Variants in NT5DC1 observed in about 807,000 individuals in gnomAD.
NT5DC1 encodes 5'-nucleotidase domain containing 1, also known as 5'-nucleotidase domain-containing protein 1.
Under a neutral mutation model 59.4 loss-of-function variants are expected in NT5DC1, and 42 were observed. The ratio of observed to expected loss-of-function variants is 0.71; its 90% confidence interval spans 0.55 to 0.92. The LOEUF is 0.92. Ranked by LOEUF, NT5DC1 falls within the 40% of genes least tolerant of loss-of-function variation. NT5DC1 has a pLI of 0.00. For synonymous variants in NT5DC1, 172 were observed against 188.1 expected, an observed-to-expected ratio of 0.91 and a Z score of 0.70; for missense variants, 501 against 537.1, an observed-to-expected ratio of 0.93 and a Z score of 0.66.
At position 116,245,814 on chromosome 6, in the gene NT5DC1, C is replaced by T. The variant is rs955694664; in HGVS notation, c.*1790C>T. 22 of 152,028 alleles carry T rather than the reference C, an allele frequency of 1.4e-4. No individual in the cohort carries two copies. The highest frequency in any genetic ancestry group is 4.8e-4 in the African/African-American group (20 of 41,478). The allele number at this position is 152,028 out of a possible 1,614,324, so 9.4% of individuals were successfully genotyped here. A position where few individuals can be genotyped will look rare whatever the true frequency, so the allele number is the denominator to read the frequency against. On this transcript the variant is annotated 3_prime_UTR_variant, in exon 12 of 12. Coordinates refer to ENST00000319550, the MANE Select transcript of NT5DC1 (RefSeq NM_152729.3). ...ACTTTTTGGGCCACTTGAGTAGTGG[C>T]GGGGGTTCAGGAGGCAGAATTCAGT...
intron 6 of NT5DC1, among the ~76,000 whole-genome samples, chr6:116,143,600 A>G (rs1213158824): frequency 6.6e-6 from 1 of 152,006 alleles, no homozygotes; most frequent in East Asian, 1.9e-4. Context: ...TCCAAGTCAC[A>G]CTGTCCTTGT....
rs1781839355 is a variant in NT5DC1, at chr6:116,223,036, A to G, written c.707A>G (p.Asn236Ser). ...CRLLCEYILGNDFTDLFDIVI... is the reference protein window; with the variant it reads ...CRLLCEYILGSDFTDLFDIVI... ...ATGAAAAATTGTGTTGCTTTTAGGA[A>G]TGATTTTACAGACCTTTTTGACATT... The change falls in exon 8 of 12, where the codon AAT becomes AGT. Residue 236 changes from asparagine (N) to serine (S), a missense_variant and splice_region_variant. Physicochemically the swap from Asn to Ser is conservative, Grantham distance 46 (BLOSUM62 1). Transcript: ENST00000319550. The G allele has an allele frequency of 3.2e-6, 5 of 1,552,296 alleles. No homozygotes were observed. The highest frequency in any genetic ancestry group is 4.4e-6 in the Non-Finnish European group (5 of 1,127,870).
In NT5DC1 at chr6:116,238,806, A is replaced by G. The variant is rs903968716; in HGVS notation, c.1084-149A>G. On this transcript the variant is annotated intron_variant, in intron 10 of 11. Coordinates refer to ENST00000319550, the MANE Select transcript of NT5DC1 (RefSeq NM_152729.3). Reference sequence around the variant, plus strand: ...TACTTCATAATAAGGAGGAAATATTATTCCTGTTCCAAAAATTTAATGTGG... The same window carrying G: ...TACTTCATAATAAGGAGGAAATATTGTTCCTGTTCCAAAAATTTAATGTGG... 3 of 567,378 alleles carry G rather than the reference A, an allele frequency of 5.3e-6. No individual in the cohort carries two copies. In the African/African-American group the frequency reaches 5.6e-5, roughly 11 times the overall value. The allele number at this position is 567,378 out of a possible 1,614,324, so 35.1% of individuals were successfully genotyped here.
chr6:116,153,427 A>C (rs1357859607), intron 6 of NT5DC1, among the ~76,000 whole-genome samples: 2 of 152,114 alleles, frequency 1.3e-5, no homozygotes, highest in African/African-American at 4.8e-5. Context: ...ATCTTTAAGC[A>C]TAGTGTTTTA....
At chr6:116,205,514 AC>A (rs1781432968) in intron 6 of NT5DC1, among the ~76,000 whole-genome samples, 1 of 151,872 alleles carries the variant, frequency 6.6e-6, no homozygotes, top group Non-Finnish European at 1.5e-5. Flanking sequence ...CTGGAGCCCC[AC>A]AGTCTCTACA....
chr6:116,206,683 A>G (rs1781459237), intron 6 of NT5DC1, among the ~76,000 whole-genome samples: 1 of 151,938 alleles, frequency 6.6e-6, no homozygotes, highest in South Asian at 2.1e-4. Flanking sequence ...CTCCATAATG[A>G]TTTAATTTGC....
intron 6 of NT5DC1, among the ~76,000 whole-genome samples, chr6:116,153,417 A>G (rs1464691447): frequency 3.3e-5 from 5 of 152,132 alleles, no homozygotes; most frequent in South Asian, 2.1e-4. Flanking sequence ...ACATTCAGTT[A>G]TCTTTAAGCA....
intron 6 of NT5DC1, among the ~76,000 whole-genome samples, chr6:116,130,398 G>A (rs1466926146): frequency 6.6e-6 from 1 of 152,084 alleles, no homozygotes; most frequent in East Asian, 1.9e-4. Context: ...GCCAGTGAGA[G>A]CCTCTCCTCT....
chr6:116,124,562 T>C (rs1392766646), intron 6 of NT5DC1, among the ~76,000 whole-genome samples: 1 of 152,148 alleles, frequency 6.6e-6, no homozygotes, highest in Non-Finnish European at 1.5e-5. Context: ...GAAATAAAAC[T>C]AGGAGTAACA....
intron 6 of NT5DC1, among the ~76,000 whole-genome samples, chr6:116,200,606 G>A (rs1781328474): frequency 6.6e-6 from 1 of 151,902 alleles, no homozygotes; most frequent in African/African-American, 2.4e-5. Context: ...ATAAGTAATG[G>A]TTATTTTATC....
chr6:116,232,543 G>A (rs538117063), intron 8 of NT5DC1, among the ~76,000 whole-genome samples: 1 of 151,792 alleles, frequency 6.6e-6, no homozygotes, highest in South Asian at 2.1e-4. Context: ...TCTCATAAAT[G>A]CATATTTTTA....
intron 1 of NT5DC1, among the ~76,000 whole-genome samples, chr6:116,101,549 G>T (rs1412966554): frequency 1.3e-5 from 2 of 152,174 alleles, no homozygotes; most frequent in Non-Finnish European, 2.9e-5. Flanking sequence ...GTATTGAAAG[G>T]AACACTAGTT....
At chr6:116,191,070 AC>A (rs1259793870) in intron 6 of NT5DC1, among the ~76,000 whole-genome samples, 2 of 152,026 alleles carry the variant, frequency 1.3e-5, no homozygotes, top group East Asian at 3.9e-4. Context: ...ACTACAGCCA[AC>A]ACCCGAGTCT....
chr6:116,166,570 C>T (rs980768220), intron 6 of NT5DC1, among the ~76,000 whole-genome samples: 4 of 152,194 alleles, frequency 2.6e-5, no homozygotes, highest in South Asian at 4.1e-4. Context: ...CTCCTGGCAT[C>T]GATCTCCATT....
chr6:116,113,164 T>C (rs1778911388), intron 4 of NT5DC1, among the ~76,000 whole-genome samples: 1 of 152,230 alleles, frequency 6.6e-6, no homozygotes, highest in Non-Finnish European at 1.5e-5. Flanking sequence ...CAAACAGTCC[T>C]GGATCATATT....
chr6:116,141,759 G>GT (rs556953268), intron 6 of NT5DC1, among the ~76,000 whole-genome samples: 3,417 of 138,326 alleles, frequency 0.025, 39 homozygotes, highest in African/African-American at 0.03. Flanking sequence ...TTCTTCTTTT[G>GT]TTTTTTTTTT....
At chr6:116,126,935 T>C (rs908581881) in intron 6 of NT5DC1, among the ~76,000 whole-genome samples, 1 of 152,152 alleles carries the variant, frequency 6.6e-6, no homozygotes, top group Admixed American at 6.6e-5. Context: ...GTAAACACTA[T>C]TGTTGTCAAT....
intron 6 of NT5DC1, chr6:116,120,148 A>T: frequency 6.2e-7 from 1 of 1,614,128 alleles, no homozygotes. Context: ...TTGACTCGGC[A>T]TTGGGAAGCT....
intron 6 of NT5DC1, among the ~76,000 whole-genome samples, chr6:116,130,835 C>A (rs1194038621): frequency 6.6e-6 from 1 of 151,978 alleles, no homozygotes; most frequent in Admixed American, 6.6e-5. Flanking sequence ...ATGATACTCA[C>A]AATTTCTCAA....
Sources: allele counts gnomAD v4.1 joint callset (sites outside exome capture counted in the v4.1 genomes callset), GRCh38; gene constraint gnomAD v4.1.1; transcripts MANE v1.5; gene names NCBI Gene and HGNC (gene_info 2026-07-23, HGNC 2026-07-21).